The following PCMT1 variants were observed in gnomAD, a reference collection of about 807,000 sequenced individuals.
PCMT1 encodes protein-L-isoaspartate (D-aspartate) O-methyltransferase.
Under a neutral mutation model 29.2 loss-of-function variants are expected in PCMT1, and 9 were observed. The observed-to-expected ratio is 0.31, with a 90% CI of 0.19 to 0.54. PCMT1 has a LOEUF of 0.54. Among genes scored for constraint, PCMT1 ranks in the 20% least tolerant of loss-of-function variants. The probability of loss-of-function intolerance (pLI) is 0.95; values close to 1 mark genes in which losing one functional copy is unlikely to be tolerated. For missense variants in PCMT1, 184 were observed against 282.2 expected (o/e 0.65, Z 2.49); for synonymous variants, 98 against 97.5 (o/e 1.00, Z -0.03).
chr6:149,751,975 C>T (rs1014198763), intron 1 of PCMT1, among the ~76,000 whole-genome samples: 8 of 149,492 alleles, frequency 5.4e-5, no homozygotes, highest in Non-Finnish European at 1.0e-4. Flanking sequence ...TGTGCTCAAG[C>T]GATTTTCCCA....
At chr6:149,793,501 A>ACT (rs757565174) in intron 4 of PCMT1, 48 bp from the exon 5 acceptor site, 2 of 1,384,464 alleles carry the variant, frequency 1.4e-6, no homozygotes, top group Non-Finnish European at 1.9e-6. Context: ...ATACTTTAGA[A>ACT]AAACAAATTT....
intron 1 of PCMT1, among the ~76,000 whole-genome samples, chr6:149,768,875 C>T (rs1787199549): frequency 6.6e-6 from 1 of 152,166 alleles, no homozygotes; most frequent in Admixed American, 6.5e-5. Context: ...GATCCGCCTA[C>T]CTCAGCCTCC....
At chr6:149,762,409 C>T (rs887412334) in intron 1 of PCMT1, among the ~76,000 whole-genome samples, 11 of 151,042 alleles carry the variant, frequency 7.3e-5, no homozygotes, top group Admixed American at 2.0e-4. Context: ...GGTAATTGCA[C>T]ATTTACCCCT....
At chr6:149,782,828 A>G (rs948689640) in intron 3 of PCMT1, among the ~76,000 whole-genome samples, 34 of 152,202 alleles carry the variant, frequency 2.2e-4, no homozygotes, top group Non-Finnish European at 1.5e-5. Context: ...AAGAATGTTA[A>G]TGAATAAATG....
intron 1 of PCMT1, among the ~76,000 whole-genome samples, chr6:149,760,409 G>A (rs1786686806): frequency 6.6e-6 from 1 of 152,014 alleles, no homozygotes; most frequent in Non-Finnish European, 1.5e-5. Flanking sequence ...CTAATATGGT[G>A]GTTCCATGGT....
At chr6:149,778,232 A>T (rs775982577) in intron 3 of PCMT1, among the ~76,000 whole-genome samples, 4 of 139,982 alleles carry the variant, frequency 2.9e-5, no homozygotes, top group Non-Finnish European at 4.7e-5. Flanking sequence ...TTAATTTTTT[A>T]TTATTATTAT....
At chr6:149,775,657 A>G (rs1379819553) in intron 3 of PCMT1, among the ~76,000 whole-genome samples, 1 of 152,180 alleles carries the variant, frequency 6.6e-6, no homozygotes, top group Non-Finnish European at 1.5e-5. Flanking sequence ...GCAGTGAGCC[A>G]TGATTGTGCT....
At chr6:149,755,831 AAGT>A (rs1311727823) in intron 1 of PCMT1, among the ~76,000 whole-genome samples, 2 of 152,204 alleles carry the variant, frequency 1.3e-5, no homozygotes, top group Non-Finnish European at 2.9e-5. Context: ...ATAAGTGACA[AAGT>A]AGGGAGGGAG....
chr6:149,796,650 T>C, intron 6 of PCMT1, 150 bp downstream of exon 6: 2 of 544,736 alleles, frequency 3.7e-6, no homozygotes, highest in Non-Finnish European at 6.5e-6. Context: ...CTTTTCTTTT[T>C]TCATATGCAA....
At chr6:149,767,374 A>T (rs571641051) in intron 1 of PCMT1, among the ~76,000 whole-genome samples, 1 of 151,072 alleles carries the variant, frequency 6.6e-6, no homozygotes, top group Non-Finnish European at 1.5e-5. Context: ...ACTCCTTTTT[A>T]TGGTGACTTG....
chr6:149,766,988 A>C (rs2115239602), intron 1 of PCMT1, among the ~76,000 whole-genome samples: 1 of 152,258 alleles, frequency 6.6e-6, no homozygotes, highest in Middle Eastern at 3.4e-3. Context: ...AGGTGGGTGG[A>C]TCACGAGGTC....
At chr6:149,794,804 G>A in intron 5 of PCMT1, 1 of 484,426 alleles carries the variant, frequency 2.1e-6, no homozygotes, top group South Asian at 1.5e-5. Flanking sequence ...TGCCAGTGAG[G>A]GACATGAGAG....
rs1407016123 is a variant in PCMT1 at position 149,756,512 on chromosome 6, C to CTA, written c.55+6557_55+6558insAT. Among the ~76,000 whole-genome samples the CTA allele has an allele frequency of 1.1e-4, 8 of 74,724 alleles. 2 individuals are homozygous for CTA. Among genetic ancestry groups the CTA allele is most frequent in the African/African-American group, 4.3e-4 (8 of 18,634 alleles). The allele number at this position is 74,724 out of a possible 152,430, so 49.0% of individuals were successfully genotyped here. A position where few individuals can be genotyped will look rare whatever the true frequency, so the allele number is the denominator to read the frequency against. On this transcript the variant is annotated intron_variant, in intron 1 of 7. Coordinates refer to ENST00000464889, the MANE Select transcript of PCMT1 (RefSeq NM_001360452.2). Reference sequence around the variant, plus strand: ...TACAGATGCACACCACCATGACTGGCTTTTTTTTTTTTTTTTTTTTTTTTT... The same window carrying CTA: ...TACAGATGCACACCACCATGACTGGCTATTTTTTTTTTTTTTTTTTTTTTTTT...
intron 1 of PCMT1, 71 bp downstream of exon 1, chr6:149,750,027 T>C: frequency 6.6e-7 from 1 of 1,506,608 alleles, no homozygotes; most frequent in Non-Finnish European, 8.9e-7. Context: ...CCCTGGGCCG[T>C]CCGGAACGTT....
At chr6:149,776,646 C>T (rs777428083) in intron 3 of PCMT1, among the ~76,000 whole-genome samples, 7 of 152,100 alleles carry the variant, frequency 4.6e-5, no homozygotes, top group Non-Finnish European at 1.0e-4. Flanking sequence ...CTCCTGGGCT[C>T]TAGTGATCCT....
chr6:149,769,307 T>C (rs1787213745), intron 1 of PCMT1, among the ~76,000 whole-genome samples: 1 of 121,610 alleles, frequency 8.2e-6, no homozygotes, highest in African/African-American at 3.1e-5. Flanking sequence ...TGTGCAGGAT[T>C]CTTTTTTTTT....
chr6:149,765,446 T>C (rs1257936289), intron 1 of PCMT1, among the ~76,000 whole-genome samples: 3 of 151,874 alleles, frequency 2.0e-5, no homozygotes, highest in Non-Finnish European at 4.4e-5. Context: ...CTTCTTCGGG[T>C]AGAAATAATA....
At chr6:149,769,308 C>CTTTTTGTTTTTTTTTTTT (rs1787214853) in intron 1 of PCMT1, among the ~76,000 whole-genome samples, 1 of 71,562 alleles carries the variant, frequency 1.4e-5, no homozygotes, top group African/African-American at 8.6e-5. Context: ...GTGCAGGATT[C>CTTTTTGTTTTTTTTTTTT]TTTTTTTTTT....
rs1788093507 is a variant in PCMT1 at position 149,786,521 on chromosome 6, G to GC, written c.193-3433_193-3432insC. On this transcript the variant is annotated intron_variant, in intron 3 of 7. Transcript: ENST00000464889. ...GAGGGGCTCCTCACTTCTCAGACGG[G>GC]GCGGCTGCCGGGCGGAGGGGCTCCT... Among the ~76,000 whole-genome samples, 2 of 124,722 alleles carry GC rather than the reference G, an allele frequency of 1.6e-5. 1 individual carries two copies. The highest frequency in any genetic ancestry group is 3.1e-5 in the Non-Finnish European group (2 of 63,692). 81.8% of individuals were successfully genotyped at this position (124,722 alleles called of 152,430 possible).
Sources: gnomAD v4.1 joint callset for allele counts (sites outside exome capture counted in the v4.1 genomes callset) on GRCh38, gnomAD v4.1.1 for gene constraint, MANE v1.5 for transcripts, NCBI Gene and HGNC (gene_info 2026-07-23, HGNC 2026-07-21) for gene names.